The following CDH4 variants were observed in gnomAD, a reference collection of about 807,000 sequenced individuals.
The protein encoded by CDH4 is cadherin-4.
A neutral mutation model predicts 86.0 loss-of-function variants in CDH4; 33 were observed. That is an observed-to-expected ratio of 0.38 (90% CI 0.29 to 0.51). The LOEUF (loss-of-function observed/expected upper bound fraction) is 0.51, where lower values mean the gene tolerates loss of function less well. Among genes scored for constraint, CDH4 ranks in the 20% least tolerant of loss-of-function variants. The pLI is 0.86. For missense variants in CDH4, 1,114 were observed against 1,307.4 expected, an observed-to-expected ratio of 0.85 and a Z score of 2.28; for synonymous variants, 555 against 549.4, an observed-to-expected ratio of 1.01 and a Z score of -0.14.
rs1481992659 is a variant in CDH4, at chr20:61,518,215, T to A, written c.170-225348T>A. 6.6e-6 allele frequency among the ~76,000 whole-genome samples: 1 copy of A among 152,164 alleles called. No homozygotes were observed. Among genetic ancestry groups the A allele is most frequent in the African/African-American group, 2.4e-5 (1 of 41,436 alleles). Reference sequence around the variant, plus strand: ...CCCTTTATCGAACACCACCAGTTCCTAGGACGAGGAAGCCCGTGCCTCTCC... The same window carrying A: ...CCCTTTATCGAACACCACCAGTTCCAAGGACGAGGAAGCCCGTGCCTCTCC... On this transcript the variant is annotated intron_variant, in intron 2 of 15. Coordinates refer to ENST00000614565, the MANE Select transcript of CDH4 (RefSeq NM_001794.5). This position sits in a 1 kb window ranked among gnomAD's most constrained non-coding sequence, Gnocchi z 6.3.
At chr20:61,665,697 C>A (rs6089460) in intron 2 of CDH4, among the ~76,000 whole-genome samples, 62,428 of 152,050 alleles carry the variant, frequency 0.41, 13,577 homozygotes, top group Non-Finnish European at 0.45. Context: ...GAGGTGTGCA[C>A]GCAGCCAAGG....
At chr20:61,826,135 C>A (rs976409219) in intron 4 of CDH4, among the ~76,000 whole-genome samples, 40 of 152,168 alleles carry the variant, frequency 2.6e-4, no homozygotes, top group African/African-American at 9.2e-4. Flanking sequence ...TCAGTAGTGT[C>A]CCCTTCTGCT....
Position 61,676,260 on chromosome 20 carries a change from A to G in CDH4, c.170-67303A>G, listed in dbSNP as rs371686611. Among the ~76,000 whole-genome samples the G allele has an allele frequency of 1.1e-4, 17 of 152,334 alleles. No homozygotes were observed. The highest frequency in any genetic ancestry group is 3.6e-4 in the African/African-American group (15 of 41,582). ...GGTGGGCTGTAATTGACTCAAGTCT[A>G]TTTGCCAGCCACAAAGACAATCTTT... is the stretch of plus-strand genomic sequence containing the variant. On this transcript the variant is annotated intron_variant, in intron 2 of 15. Transcript: ENST00000614565. The surrounding 1 kb of genome is among the most constrained non-coding windows in gnomAD (Gnocchi z 4.5).
chr20:61,609,229 T>C (rs562448413), intron 2 of CDH4, among the ~76,000 whole-genome samples: 63 of 152,392 alleles, frequency 4.1e-4, no homozygotes, highest in Admixed American at 1.2e-3. Flanking sequence ...TCCCGTTGCT[T>C]GTGATGGAAT....
intron 2 of CDH4, among the ~76,000 whole-genome samples, chr20:61,318,708 A>T (rs2084491532): frequency 6.6e-6 from 1 of 152,232 alleles, no homozygotes; most frequent in South Asian, 2.1e-4. Flanking sequence ...TGAGGTCAAG[A>T]AGCGTGTTGA....
intron 2 of CDH4, among the ~76,000 whole-genome samples, chr20:61,330,564 C>T (rs573615948): frequency 6.6e-6 from 1 of 152,200 alleles, no homozygotes; most frequent in Non-Finnish European, 1.5e-5. Context: ...AGGCAGTTGC[C>T]TTCAAGAAAA....
At chr20:61,771,075 A>G (rs1388431944) in intron 3 of CDH4, among the ~76,000 whole-genome samples, 2 of 148,430 alleles carry the variant, frequency 1.3e-5, no homozygotes, top group African/African-American at 2.5e-5. Context: ...CAATGGCACA[A>G]TCTTGGCTCA....
chr20:61,885,565 G>A (rs889681925), intron 7 of CDH4, among the ~76,000 whole-genome samples: 1 of 152,094 alleles, frequency 6.6e-6, no homozygotes, highest in African/African-American at 2.4e-5. Context: ...CGGCCCTTTT[G>A]GCTGCTGTTA....
intron 2 of CDH4, among the ~76,000 whole-genome samples, chr20:61,440,824 C>A (rs925289928): frequency 3.9e-5 from 6 of 152,202 alleles, no homozygotes; most frequent in Admixed American, 3.3e-4. Flanking sequence ...ACAGGCACAG[C>A]ATGGGGAGAA....
At chr20:61,884,943 C>T (rs1290148421) in intron 7 of CDH4, among the ~76,000 whole-genome samples, 1 of 152,118 alleles carries the variant, frequency 6.6e-6, no homozygotes, top group Non-Finnish European at 1.5e-5. Context: ...GGCCCCAGGT[C>T]CCTTCAGCCT....
chr20:61,858,352 TCTCTCTGTGC>T (rs1983153388), intron 6 of CDH4, among the ~76,000 whole-genome samples: 2 of 151,836 alleles, frequency 1.3e-5, no homozygotes, highest in South Asian at 4.2e-4. Context: ...TGCGTATGTG[TCTCTCTGTGC>T]GTGTCTCTGT....
intron 2 of CDH4, among the ~76,000 whole-genome samples, chr20:61,705,318 C>T (rs369026582): frequency 1.7e-4 from 26 of 152,196 alleles, no homozygotes; most frequent in South Asian, 4.1e-4. Flanking sequence ...TTCCACCTGG[C>T]GGGGGAGATG....
intron 7 of CDH4, among the ~76,000 whole-genome samples, chr20:61,884,450 G>A (rs1332866027): frequency 6.6e-6 from 1 of 152,158 alleles, no homozygotes; most frequent in Non-Finnish European, 1.5e-5. Context: ...GCAGTGGACG[G>A]TCCACGAGTT....
chr20:61,479,323 G>C (rs1297700236), intron 2 of CDH4, among the ~76,000 whole-genome samples: 1 of 151,938 alleles, frequency 6.6e-6, no homozygotes, highest in East Asian at 1.9e-4. Flanking sequence ...TTAACATTAG[G>C]TATATCTCCT....
At chr20:61,499,510 AG>A (rs1394356818) in intron 2 of CDH4, 1 of 1,286,708 alleles carries the variant, frequency 7.8e-7, no homozygotes, top group East Asian at 5.6e-5. Flanking sequence ...TGAGTGTGCT[AG>A]GGGGGCTTAG....
At chr20:61,546,006 AG>A (rs2086079264) in intron 2 of CDH4, among the ~76,000 whole-genome samples, 2 of 7,948 alleles carry the variant, frequency 2.5e-4, no homozygotes, top group East Asian at 5.0e-3. Flanking sequence ...GCATGTGTGG[AG>A]GGGGTATGTG....
chr20:61,849,856 G>A (rs911934633), intron 5 of CDH4, among the ~76,000 whole-genome samples: 3 of 152,216 alleles, frequency 2.0e-5, no homozygotes, highest in East Asian at 1.9e-4. Flanking sequence ...GGTCAAAAAC[G>A]TAGCCCAGTG....
At chr20:61,873,945 C>T (rs771208298) in intron 7 of CDH4, 45 bp downstream of exon 7, 1 of 1,595,240 alleles carries the variant, frequency 6.3e-7, no homozygotes, top group African/African-American at 1.3e-5. Flanking sequence ...AGCTCCTGGT[C>T]CCCGCAGGAC....
intron 2 of CDH4, among the ~76,000 whole-genome samples, chr20:61,509,148 G>A (rs376259042): frequency 3.7e-4 from 56 of 152,256 alleles, no homozygotes; most frequent in African/African-American, 1.2e-3. Context: ...TCCTGCAGCA[G>A]GAGAGCCAGC....
Sources: allele counts gnomAD v4.1 joint callset (sites outside exome capture counted in the v4.1 genomes callset), GRCh38; gene constraint gnomAD v4.1.1; non-coding constraint Gnocchi (gnomAD v3.1); transcripts MANE v1.5; gene names NCBI Gene and HGNC (gene_info 2026-07-23, HGNC 2026-07-21).